Variants in RAB38 observed in about 807,000 individuals in gnomAD.
RAB38 encodes RAB38, member RAS oncogene family, also known as ras-related protein Rab-38.
RAB38 carries 15 observed loss-of-function variants against 18.4 expected under a neutral mutation model. That is an observed-to-expected ratio of 0.82 (90% confidence interval 0.55 to 1.26). The LOEUF (loss-of-function observed/expected upper bound fraction) is 1.26. Ranked by LOEUF, RAB38 falls within the 50% of genes most tolerant of loss-of-function variation. The probability of loss-of-function intolerance (pLI) is 0.00; values close to 1 mark genes in which losing one functional copy is unlikely to be tolerated. For missense variants in RAB38, 294 were observed against 267.4 expected (o/e 1.10, Z -0.69); for synonymous variants, 101 against 104.4 (o/e 0.97, Z 0.20).
the RAB38 span, among the ~76,000 whole-genome samples, chr11:88,031,283 G>T: frequency 6.6e-6 from 1 of 151,456 alleles, no homozygotes; most frequent in Non-Finnish European, 1.5e-5. Context: ...TACTGAATGG[G>T]CAAAAACTGG....
chr11:88,117,509 A>G (rs1388827816), intron 2 of RAB38, among the ~76,000 whole-genome samples: 2 of 152,228 alleles, frequency 1.3e-5, no homozygotes, highest in East Asian at 3.9e-4. Flanking sequence ...CTATTTAGTG[A>G]ATACCTAATA....
chr11:88,100,937 T>A, the RAB38 span, among the ~76,000 whole-genome samples: 1 of 152,008 alleles, frequency 6.6e-6, no homozygotes, highest in Admixed American at 6.6e-5. Context: ...TGCTAGGGAA[T>A]AGGATGATCT....
At chr11:88,098,037 A>G in the RAB38 span, 5 of 151,916 alleles carry the variant, frequency 3.3e-5, no homozygotes, top group African/African-American at 7.2e-5. Flanking sequence ...ATGGTTAAAC[A>G]TCGGAATTGC....
the RAB38 span, among the ~76,000 whole-genome samples, chr11:87,941,880 A>ACTC: frequency 6.6e-6 from 1 of 151,784 alleles, no homozygotes; most frequent in African/African-American, 2.4e-5. Context: ...AGACACAGAG[A>ACTC]CTCCCTTACC....
At chr11:87,936,021 G>C in the RAB38 span, among the ~76,000 whole-genome samples, 1 of 151,978 alleles carries the variant, frequency 6.6e-6, no homozygotes, top group Non-Finnish European at 1.5e-5. Context: ...ATTTGCTGTT[G>C]AGTTTTGAGA....
At chr11:87,977,404 T>C in the RAB38 span, among the ~76,000 whole-genome samples, 2 of 47,632 alleles carry the variant, frequency 4.2e-5, no homozygotes, top group Non-Finnish European at 8.1e-5. Flanking sequence ...TATATAATTA[T>C]ATTATAAAAT....
At chr11:87,893,390 A>ATATTTTT in the RAB38 span, among the ~76,000 whole-genome samples, 11 of 93,890 alleles carry the variant, frequency 1.2e-4, no homozygotes, top group Non-Finnish European at 1.7e-4. Flanking sequence ...ATATATATAT[A>ATATTTTT]TTTTTTTTTT....
At chr11:88,161,554 C>T (rs942810678) in intron 1 of RAB38, among the ~76,000 whole-genome samples, 6 of 151,970 alleles carry the variant, frequency 3.9e-5, no homozygotes, top group Non-Finnish European at 7.4e-5. Flanking sequence ...ATTGCAAAAC[C>T]CGAGGCTTAT....
the RAB38 span, among the ~76,000 whole-genome samples, chr11:87,974,051 C>A: frequency 3.6e-4 from 55 of 151,980 alleles, no homozygotes; most frequent in African/African-American, 1.3e-3. Context: ...AATACCCCTA[C>A]CATGTATCAT....
chr11:88,049,513 A>AC, the RAB38 span, among the ~76,000 whole-genome samples: 1 of 145,136 alleles, frequency 6.9e-6, no homozygotes, highest in Non-Finnish European at 1.5e-5. Flanking sequence ...AAACGGCCCC[A>AC]CCCCTGTCTC....
At chr11:87,878,544 C>T in the RAB38 span, among the ~76,000 whole-genome samples, 5 of 151,490 alleles carry the variant, frequency 3.3e-5, no homozygotes, top group Admixed American at 6.6e-5. Context: ...TGGAAGAATT[C>T]ATCCCAAGGC....
chr11:88,125,527 C>T (rs1011141613), intron 2 of RAB38, among the ~76,000 whole-genome samples: 4 of 152,154 alleles, frequency 2.6e-5, no homozygotes, highest in African/African-American at 9.7e-5. Flanking sequence ...TTATTTGTCT[C>T]TATTTATTTA....
chr11:87,908,863 G>T, the RAB38 span, among the ~76,000 whole-genome samples: 7 of 151,758 alleles, frequency 4.6e-5, no homozygotes, highest in Non-Finnish European at 1.0e-4. Flanking sequence ...CTGAATGTTA[G>T]GAATATTGGA....
the RAB38 span, among the ~76,000 whole-genome samples, chr11:87,951,410 C>T: frequency 1.3e-5 from 2 of 152,196 alleles, no homozygotes; most frequent in Non-Finnish European, 1.5e-5. Context: ...AGTCATTCTC[C>T]ATCCAGCTTT....
the RAB38 span, among the ~76,000 whole-genome samples, chr11:88,089,516 AC>A: frequency 6.6e-6 from 1 of 151,876 alleles, no homozygotes; most frequent in Non-Finnish European, 1.5e-5. Flanking sequence ...CAACCAAATG[AC>A]CCTGAAACTG....
At chr11:87,954,472 A>AAAAG in the RAB38 span, among the ~76,000 whole-genome samples, 4 of 151,984 alleles carry the variant, frequency 2.6e-5, no homozygotes, top group African/African-American at 9.7e-5. Context: ...GAAAGATAGA[A>AAAAG]AAAGAAAGAT....
the RAB38 span, among the ~76,000 whole-genome samples, chr11:88,069,483 T>C: frequency 6.6e-6 from 1 of 152,174 alleles, no homozygotes; most frequent in Non-Finnish European, 1.5e-5. Context: ...TGGTGCGGGA[T>C]CCACTAGGTG....
At chr11:87,952,000 C>T in the RAB38 span, among the ~76,000 whole-genome samples, 8 of 152,146 alleles carry the variant, frequency 5.3e-5, no homozygotes, top group East Asian at 1.9e-4. Context: ...TGTTCCTATT[C>T]GGCCATCCTT....
the RAB38 span, among the ~76,000 whole-genome samples, chr11:87,971,677 C>T: frequency 4.6e-5 from 7 of 152,238 alleles, no homozygotes; most frequent in Admixed American, 2.0e-4. Flanking sequence ...TGATGCTAGA[C>T]AGAGGCATAA....
Sources: allele counts gnomAD v4.1 joint callset (sites outside exome capture counted in the v4.1 genomes callset), GRCh38; gene constraint gnomAD v4.1.1; transcripts MANE v1.5; gene names NCBI Gene and HGNC (gene_info 2026-07-23, HGNC 2026-07-21).